The following AGMAT variants were observed in gnomAD, a reference collection of about 807,000 sequenced individuals.
AGMAT encodes agmatinase (putative), also known as guanidino acid hydrolase, mitochondrial.
AGMAT carries 37 observed loss-of-function variants against 29.3 expected under a neutral mutation model. The ratio of observed to expected loss-of-function variants is 1.26; its 90% confidence interval spans 0.97 to 1.66. AGMAT has a LOEUF of 1.66. Ranked by LOEUF, AGMAT falls within the 40% of genes most tolerant of loss-of-function variation. The pLI is 0.00. For missense variants in AGMAT, 498 were observed against 497.8 expected (o/e 1.00, Z 0.00); for synonymous variants, 199 against 200.8 (o/e 0.99, Z 0.08).
At chr1:15,579,557 T>C (rs1331289147) in intron 3 of AGMAT, among the ~76,000 whole-genome samples, 3 of 152,208 alleles carry the variant, frequency 2.0e-5, no homozygotes, top group African/African-American at 7.2e-5. Flanking sequence ...CACATGTGCT[T>C]CCACAGACAC....
chr1:15,583,014 A>G (rs1373979861), intron 2 of AGMAT, among the ~76,000 whole-genome samples, 179 bp downstream of exon 2: 1 of 152,110 alleles, frequency 6.6e-6, no homozygotes, highest in East Asian at 1.9e-4. Context: ...ACATACACAC[A>G]CACGTGAAAT....
At position 15,579,171 on chromosome 1, in the gene AGMAT, C is replaced by T. The variant is rs1639080181; in HGVS notation, c.525-117G>A. The T allele has an allele frequency of 3.2e-6, 3 of 923,742 alleles. No homozygotes were observed. In the Admixed American group the frequency reaches 7.9e-5, roughly 24 times the overall value. 57.2% of individuals were successfully genotyped at this position (923,742 alleles called of 1,614,324 possible). ...CAGCCAAAAAGGGGAGACCTGGCAT[C>T]CGTTTTCTGCCTTGCAACTGGTTCC... On this transcript the variant is annotated intron_variant, in intron 3 of 6. Transcript: ENST00000375826.
chr1:15,579,592 C>T (rs544656773), intron 3 of AGMAT, among the ~76,000 whole-genome samples: 13 of 152,228 alleles, frequency 8.5e-5, no homozygotes, highest in Non-Finnish European at 1.3e-4. Flanking sequence ...ACCCTCCACC[C>T]GGGTCCTTCT....
chr1:15,573,820 T>C (rs1201312627), intron 6 of AGMAT, 96 bp from the exon 7 acceptor site: 1 of 1,098,980 alleles, frequency 9.1e-7, no homozygotes, highest in Admixed American at 2.0e-5. Context: ...TGTGCCTCCT[T>C]TTCCAGAGCC....
chr1:15,578,553 C>A (rs1453447809), intron 4 of AGMAT, among the ~76,000 whole-genome samples: 1 of 151,980 alleles, frequency 6.6e-6, no homozygotes, highest in East Asian at 1.9e-4. Flanking sequence ...CCTTAGCCTC[C>A]CAAAGTGCTG....
At chr1:15,582,496 CCATG>C (rs1366650334) in intron 2 of AGMAT, among the ~76,000 whole-genome samples, 2 of 152,098 alleles carry the variant, frequency 1.3e-5, no homozygotes, top group Non-Finnish European at 2.9e-5. Context: ...TCCCACTATG[CCATG>C]CAGGCTAGGC....
At position 15,583,330 on chromosome 1, in the gene AGMAT, GC is replaced by G; in HGVS notation, c.337del (p.Ala113ProfsTer12). ...AACCATGAGGGACTGGAAGGGGAGG[GC>G]CCCCGTGCTAGGATTGACTGTCCCA... ...MLGTVNPSTG[A>X]LPFQSLMVAD... On this transcript the variant is annotated frameshift_variant, in exon 2 of 7. Transcript: ENST00000375826. LOFTEE classifies it high-confidence loss of function. The G allele has an allele frequency of 1.2e-6, 2 of 1,614,072 alleles. No individual in the cohort carries two copies. Among genetic ancestry groups the G allele is most frequent in the Non-Finnish European group, 1.7e-6 (2 of 1,180,006 alleles).
rs1639169567 is a variant in AGMAT at position 15,585,049 on chromosome 1, T to A, written c.-82A>T. 4 of 1,253,152 alleles carry A rather than the reference T, an allele frequency of 3.2e-6. No individual in the cohort carries two copies. The allele number at this position is 1,253,152 out of a possible 1,614,324, so 77.6% of individuals were successfully genotyped here. ...GGCTGGTCCCGAACGGCGAGGCGAGTGTGCACGCGCCAGAGCCGGAACCCG... is the reference window on the plus strand; with the variant it reads ...GGCTGGTCCCGAACGGCGAGGCGAGAGTGCACGCGCCAGAGCCGGAACCCG... On this transcript the variant is annotated 5_prime_UTR_variant, in exon 1 of 7. Transcript: ENST00000375826.
In AGMAT at chr1:15,572,013, C is replaced by T. The variant is rs1278648540; in HGVS notation, c.*1638G>A. The stretch of plus-strand genomic sequence containing the variant: ...TACAAAAATTAGCCGGGCGTGGTGA[C>T]GCATGACTGTAATTCTAGCTACTCA... On this transcript the variant is annotated 3_prime_UTR_variant, in exon 7 of 7. Coordinates refer to ENST00000375826, the MANE Select transcript of AGMAT (RefSeq NM_024758.5). Among the ~76,000 whole-genome samples, 4 of 151,674 alleles carry T rather than the reference C, an allele frequency of 2.6e-5. No individual in the cohort carries two copies. The highest frequency in any genetic ancestry group is 4.4e-5 in the Non-Finnish European group (3 of 67,952).
chr1:15,577,887 TTCTG>T, intron 4 of AGMAT, 23 bp from the exon 5 acceptor site: 2 of 1,607,388 alleles, frequency 1.2e-6, no homozygotes, highest in Non-Finnish European at 1.7e-6. Flanking sequence ...GGACTGAGGT[TTCTG>T]TCTGGCAGCA....
chr1:15,580,184 G>A (rs1054330087), intron 2 of AGMAT, 42 bp from the exon 3 acceptor site: 3 of 1,234,994 alleles, frequency 2.4e-6, no homozygotes, highest in East Asian at 2.3e-5. Context: ...GTGAATTGGA[G>A]GATTACATAG....
Position 15,584,910 on chromosome 1 carries a change from G to C in AGMAT, c.58C>G (p.Arg20Gly). The C allele has an allele frequency of 7.2e-7, 1 of 1,384,782 alleles. No homozygotes were observed. The highest frequency in any genetic ancestry group is 3.6e-5 in the Admixed American group (1 of 27,910). The allele number at this position is 1,384,782 out of a possible 1,614,324, so 85.8% of individuals were successfully genotyped here. A position where few individuals can be genotyped will look rare whatever the true frequency, so the allele number is the denominator to read the frequency against. ...ARGPGPGVGARPAAGLFHPGR... is the reference protein window; with the variant it reads ...ARGPGPGVGAGPAAGLFHPGR... ...GGATGAAAGAGCCCTGCGGCAGGAC[G>C]CGCGCCCACGCCGGGCCCCGGGCCC... The change falls in exon 1 of 7, where the codon CGT becomes GGT. Residue 20 changes from arginine (R) to glycine (G), a missense_variant. Arg to Gly is a moderately radical substitution (Grantham distance 125, BLOSUM62 -2). Coordinates refer to ENST00000375826, the MANE Select transcript of AGMAT (RefSeq NM_024758.5).
In AGMAT at chr1:15,583,208, T is replaced by C. The variant is rs765598775; in HGVS notation, c.460A>G (p.Ile154Val). 1 of 1,614,058 alleles carries C rather than the reference T, an allele frequency of 6.2e-7. No homozygotes were observed. The highest frequency in any genetic ancestry group is 1.1e-5 in the South Asian group (1 of 91,078). The stretch of plus-strand genomic sequence containing the variant: ...CTGACATTACCCAAGGTCAGAGGAA[T>C]ACAGCCAGCTGCTACAATTTTCTCA... ...AYEKIVAAGC[I>V]PLTLGGDHTI... is the part of the protein sequence containing the mutation. Residue 154 changes from isoleucine to valine, a missense_variant, in exon 2 of 7, where the codon ATT (isoleucine) becomes GTT (valine). Physicochemically the swap from Ile to Val is conservative, Grantham distance 29 (BLOSUM62 3). Coordinates refer to ENST00000375826, the MANE Select transcript of AGMAT (RefSeq NM_024758.5).
rs1638959513 is a variant in AGMAT at position 15,572,110 on chromosome 1, A to C, written c.*1541T>G. 7.4e-6 allele frequency among the ~76,000 whole-genome samples: 1 copy of C among 135,412 alleles called. No individual in the cohort carries two copies. Among genetic ancestry groups the C allele is most frequent in the African/African-American group, 2.9e-5 (1 of 34,428 alleles). The allele number at this position is 135,412 out of a possible 152,430, so 88.8% of individuals were successfully genotyped here. A position where few individuals can be genotyped will look rare whatever the true frequency, so the allele number is the denominator to read the frequency against. ...CAGTGAGCTAAGATCGGGCCACTGC[A>C]CTCCAGCCTGGGGGACAGAGCGAGA... On this transcript the variant is annotated 3_prime_UTR_variant, in exon 7 of 7. Coordinates refer to ENST00000375826, the MANE Select transcript of AGMAT (RefSeq NM_024758.5).
At chr1:15,576,416 TTTTG>T (rs923593471) in intron 5 of AGMAT, among the ~76,000 whole-genome samples, 6 of 149,914 alleles carry the variant, frequency 4.0e-5, no homozygotes, top group Admixed American at 1.3e-4. Context: ...AGTTTAGTGT[TTTTG>T]TTTGGTTGGT....
intron 3 of AGMAT, among the ~76,000 whole-genome samples, chr1:15,579,399 G>A (rs1639082916): frequency 6.6e-6 from 1 of 152,154 alleles, no homozygotes; most frequent in Non-Finnish European, 1.5e-5. Flanking sequence ...CTCCAACCGA[G>A]GAAGAGGAAG....
intron 1 of AGMAT, 61 bp from the exon 2 acceptor site, chr1:15,583,456 G>A: frequency 6.6e-7 from 1 of 1,510,538 alleles, no homozygotes; most frequent in Non-Finnish European, 9.0e-7. Context: ...CTTTGCTTAG[G>A]CCAGGGCTTC....
chr1:15,577,832 C>T lies in AGMAT; in HGVS notation c.753G>A (p.Trp251Ter). The part of the protein sequence containing the change: ...GFRVVLAEDC[W>*]MKSLVPLMGE... ...CCATCAGAGGAACCAGCGACTTCAT[C>T]CAGCAGTCTTCAGCCAGGACTACCC... The change falls in exon 5 of 7, where the codon TGG becomes TGA. Residue 251 changes from tryptophan (W) to a stop codon, truncating the protein, a stop_gained. Coordinates refer to ENST00000375826, the MANE Select transcript of AGMAT (RefSeq NM_024758.5). LOFTEE classifies it high-confidence loss of function. 2 of 1,614,184 alleles carry T rather than the reference C, an allele frequency of 1.2e-6. No homozygotes were observed. The highest frequency in any genetic ancestry group is 1.7e-4 in the Middle Eastern group (1 of 6,060).
intron 5 of AGMAT, among the ~76,000 whole-genome samples, 155 bp downstream of exon 5, chr1:15,577,530 A>C (rs1465789406): frequency 6.6e-6 from 1 of 152,060 alleles, no homozygotes; most frequent in Non-Finnish European, 1.5e-5. Flanking sequence ...CCGAGATCGC[A>C]CCACTGCACT....
Sources: gnomAD v4.1 joint callset for allele counts (sites outside exome capture counted in the v4.1 genomes callset) on GRCh38, gnomAD v4.1.1 for gene constraint, MANE v1.5 for transcripts, NCBI Gene and HGNC (gene_info 2026-07-23, HGNC 2026-07-21) for gene names.